ENAH: variants seen among roughly 807,000 people sequenced by gnomAD.
The protein encoded by ENAH is protein enabled homolog.
A neutral mutation model predicts 78.7 loss-of-function variants in ENAH; 23 were observed. That is an observed-to-expected ratio of 0.29 (90% CI 0.21 to 0.41). The LOEUF (loss-of-function observed/expected upper bound fraction) is 0.41. ENAH is among the 10% of genes least tolerant of loss of function. The pLI, the probability that ENAH is intolerant of heterozygous loss-of-function variation, is 1.00. For missense variants in ENAH, 544 were observed against 691.0 expected, an observed-to-expected ratio of 0.79 and a Z score of 2.39; for synonymous variants, 226 against 241.0, an observed-to-expected ratio of 0.94 and a Z score of 0.58.
chr1:225,507,912 T>A, intron 11 of ENAH, 39 bp downstream of exon 11: 1 of 1,404,540 alleles, frequency 7.1e-7, no homozygotes, highest in Non-Finnish European at 9.6e-7. Context: ...TTTTTTTTTA[T>A]ACAAATAAAA....
At chr1:225,641,943 C>T (rs982973858) in intron 1 of ENAH, among the ~76,000 whole-genome samples, 4 of 152,098 alleles carry the variant, frequency 2.6e-5, no homozygotes, top group African/African-American at 9.7e-5. Context: ...ATCACTTGAA[C>T]CCGGGAAGCA....
At chr1:225,519,642 T>C in intron 4 of ENAH, 77 bp from the exon 5 acceptor site, 2 of 1,531,476 alleles carry the variant, frequency 1.3e-6, no homozygotes, top group Non-Finnish European at 8.7e-7. Flanking sequence ...TTCACCTATG[T>C]AAACTATTTC....
chr1:225,635,588 T>C (rs917991446), intron 1 of ENAH, among the ~76,000 whole-genome samples: 4 of 152,202 alleles, frequency 2.6e-5, no homozygotes, highest in African/African-American at 7.2e-5. Flanking sequence ...CTGTGGTCCA[T>C]ACTCAAAGAG....
chr1:225,539,757 A>G (rs2096580343), intron 3 of ENAH, among the ~76,000 whole-genome samples: 1 of 151,970 alleles, frequency 6.6e-6, no homozygotes, highest in Non-Finnish European at 1.5e-5. Flanking sequence ...AATATGCTGT[A>G]TCACCTTTCC....
chr1:225,610,421 G>A (rs1037828977), intron 1 of ENAH, among the ~76,000 whole-genome samples: 1 of 152,100 alleles, frequency 6.6e-6, no homozygotes, highest in African/African-American at 2.4e-5. Flanking sequence ...TAATAAATTT[G>A]TGATTTTATA....
intron 1 of ENAH, among the ~76,000 whole-genome samples, chr1:225,583,716 G>A (rs182778724): frequency 2.3e-3 from 356 of 151,750 alleles, no homozygotes; most frequent in Non-Finnish European, 1.5e-3. Flanking sequence ...GCTAAGTCAG[G>A]AGAATCACTT....
intron 1 of ENAH, among the ~76,000 whole-genome samples, chr1:225,637,009 A>G (rs1291932938): frequency 6.6e-6 from 1 of 152,208 alleles, no homozygotes; most frequent in Non-Finnish European, 1.5e-5. Flanking sequence ...CAGACAGAAT[A>G]AAAGTAATGA....
intron 1 of ENAH, among the ~76,000 whole-genome samples, chr1:225,577,325 A>G (rs576896674): frequency 2.0e-4 from 30 of 152,332 alleles, no homozygotes; most frequent in African/African-American, 6.5e-4. Context: ...ATCAGGAGAA[A>G]AAATTTGCTT....
chr1:225,593,635 C>T (rs376029106), intron 1 of ENAH, among the ~76,000 whole-genome samples: 1 of 152,166 alleles, frequency 6.6e-6, no homozygotes, highest in African/African-American at 2.4e-5. Context: ...TTTGTTCACA[C>T]ACTTTGGCAA....
chr1:225,565,038 A>G (rs1158411174), intron 2 of ENAH, among the ~76,000 whole-genome samples: 1 of 152,176 alleles, frequency 6.6e-6, no homozygotes, highest in African/African-American at 2.4e-5. Flanking sequence ...TAAATTTTTA[A>G]ATGTTTTAAG....
chr1:225,547,446 A>G (rs1287933338), intron 3 of ENAH, among the ~76,000 whole-genome samples: 1 of 152,136 alleles, frequency 6.6e-6, no homozygotes, highest in Non-Finnish European at 1.5e-5. Context: ...AGTGAAGTAC[A>G]ATCAGAACCA....
At chr1:225,540,814 TTAAAA>T (rs2096585302) in intron 3 of ENAH, among the ~76,000 whole-genome samples, 1 of 151,890 alleles carries the variant, frequency 6.6e-6, no homozygotes, top group Non-Finnish European at 1.5e-5. Context: ...ACTCACACAA[TTAAAA>T]TAAGAGCCAG....
chr1:225,563,101 CT>C (rs1390269943), intron 2 of ENAH, among the ~76,000 whole-genome samples: 16 of 152,032 alleles, frequency 1.1e-4, no homozygotes, highest in African/African-American at 3.9e-4. Flanking sequence ...TCGTTTATTG[CT>C]TATACAAAAA....
chr1:225,515,307 T>G (rs2096409131), intron 6 of ENAH: 1 of 168,858 alleles, frequency 5.9e-6, no homozygotes. Context: ...CACATTAACC[T>G]TAAGTGTTGA....
chr1:225,495,463 T>TTG lies in ENAH; in HGVS notation c.*2311_*2312insCA, dbSNP rs1553409489. The stretch of plus-strand genomic sequence containing the variant: ...TAGCATGATTCAACACTGGTTTTTT[T>TTG]TTTTTTTTTTTTTTGTCAGTTTACA... On this transcript the variant is annotated 3_prime_UTR_variant, in exon 14 of 14. Transcript: ENST00000366843. 1.3e-5 allele frequency: 2 copies of TTG among 150,050 alleles called. No homozygotes were observed. Among genetic ancestry groups the TTG allele is most frequent in the Non-Finnish European group, 3.0e-5 (2 of 67,344 alleles). The allele number at this position is 150,050 out of a possible 1,614,324, so 9.3% of individuals were successfully genotyped here. A position where few individuals can be genotyped will look rare whatever the true frequency, so the allele number is the denominator to read the frequency against.
At chr1:225,581,418 G>A (rs930929087) in intron 1 of ENAH, 11 of 313,372 alleles carry the variant, frequency 3.5e-5, no homozygotes, top group Non-Finnish European at 4.6e-5. Context: ...AAATAAAAAC[G>A]GGATGAAAGA....
intron 1 of ENAH, among the ~76,000 whole-genome samples, chr1:225,603,594 G>A (rs934077199): frequency 6.6e-6 from 1 of 152,104 alleles, no homozygotes; most frequent in Non-Finnish European, 1.5e-5. Context: ...GAACTGCTAT[G>A]TTTATTCTAC....
rs2096246095 is a variant in ENAH at position 225,495,547 on chromosome 1, C to CTT, written c.*2226_*2227dup. On this transcript the variant is annotated 3_prime_UTR_variant, in exon 14 of 14. Coordinates refer to ENST00000366843, the MANE Select transcript of ENAH (RefSeq NM_018212.6). ...AACGTTTAGTGCATAAACCCAGTTT[C>CTT]TTTTAAGATTTAGCATTTTATTTTA... The CTT allele has an allele frequency of 7.9e-6, 1 of 127,040 alleles. No homozygotes were observed. Among genetic ancestry groups the CTT allele is most frequent in the South Asian group, 2.6e-4 (1 of 3,900 alleles). The allele number at this position is 127,040 out of a possible 1,614,324, so 7.9% of individuals were successfully genotyped here.
At chr1:225,641,715 C>T (rs1661096541) in intron 1 of ENAH, among the ~76,000 whole-genome samples, 1 of 150,586 alleles carries the variant, frequency 6.6e-6, no homozygotes, top group Admixed American at 6.6e-5. Flanking sequence ...GATGAAACCC[C>T]ATCTCTACTA....
Sources: allele counts gnomAD v4.1 joint callset (sites outside exome capture counted in the v4.1 genomes callset), GRCh38; gene constraint gnomAD v4.1.1; transcripts MANE v1.5; gene names NCBI Gene and HGNC (gene_info 2026-07-23, HGNC 2026-07-21).